SKAP1: variants seen among roughly 807,000 people sequenced by gnomAD.
SKAP1 encodes the protein src kinase associated phosphoprotein 1, also known as src kinase-associated phosphoprotein 1.
SKAP1 carries 44 observed loss-of-function variants against 58.5 expected under a neutral mutation model. The observed-to-expected ratio is 0.75, with a 90% CI of 0.59 to 0.97. The LOEUF is 0.97. Ranked by LOEUF, SKAP1 falls within the 50% of genes least tolerant of loss-of-function variation. SKAP1 has a pLI of 0.00. For synonymous variants in SKAP1, 127 were observed against 149.7 expected, an observed-to-expected ratio of 0.85 and a Z score of 1.11; for missense variants, 390 against 435.2, an observed-to-expected ratio of 0.90 and a Z score of 0.92.
intron 4 of SKAP1, among the ~76,000 whole-genome samples, chr17:48,212,695 C>T (rs929849263): frequency 6.6e-6 from 1 of 152,198 alleles, no homozygotes; most frequent in African/African-American, 2.4e-5. Context: ...GTTTGGATTG[C>T]TTCACTGACT....
chr17:48,135,047 A>G (rs2063682498), intron 12 of SKAP1, among the ~76,000 whole-genome samples: 1 of 152,070 alleles, frequency 6.6e-6, no homozygotes. Flanking sequence ...AACCCTCTAT[A>G]CTTGTGGCCA....
Position 48,184,783 on chromosome 17 carries a change from T to C in SKAP1, c.507A>G (p.Arg169=). ...GYGVRMAPHL[R]RDSKKESCFE... is the part of the protein sequence containing the mutation. ...AGCAGGATTCTTTCTTGGAATCTCT[T>C]CGCAGGTGGGGGGCCATCCGTACAC... is the stretch of plus-strand genomic sequence containing the variant. Residue 169 remains arginine (R), a synonymous_variant, in exon 7 of 13, where the codon CGA becomes CGG. Transcript: ENST00000336915. 1 of 1,614,080 alleles carries C rather than the reference T, an allele frequency of 6.2e-7. No individual in the cohort carries two copies. The highest frequency in any genetic ancestry group is 8.5e-7 in the Non-Finnish European group (1 of 1,179,968).
intron 11 of SKAP1, among the ~76,000 whole-genome samples, chr17:48,160,283 C>T (rs923339006): frequency 4.6e-5 from 7 of 152,030 alleles, no homozygotes; most frequent in African/African-American, 1.7e-4. Flanking sequence ...GCATGTACCA[C>T]CACACCCAGC....
At chr17:48,407,722 C>T (rs1242279312) in intron 1 of SKAP1, among the ~76,000 whole-genome samples, 4 of 152,066 alleles carry the variant, frequency 2.6e-5, no homozygotes, top group South Asian at 2.1e-4. Context: ...GGCATGGTGG[C>T]GCATGTCTGT....
At chr17:48,371,157 G>A (rs919907731) in intron 2 of SKAP1, among the ~76,000 whole-genome samples, 2 of 152,152 alleles carry the variant, frequency 1.3e-5, no homozygotes, top group African/African-American at 4.8e-5. Context: ...AGGGGTAGGA[G>A]TTGAAAAATT....
intron 9 of SKAP1, among the ~76,000 whole-genome samples, chr17:48,178,779 G>C (rs914922043): frequency 6.6e-6 from 1 of 151,918 alleles, no homozygotes; most frequent in Non-Finnish European, 1.5e-5. Flanking sequence ...TTTTTTTAAC[G>C]TCAGACACAA....
At chr17:48,235,510 A>G (rs2065170136) in intron 4 of SKAP1, among the ~76,000 whole-genome samples, 1 of 152,156 alleles carries the variant, frequency 6.6e-6, no homozygotes. Flanking sequence ...AAGATCAACT[A>G]CAACAAAACT....
intron 2 of SKAP1, among the ~76,000 whole-genome samples, chr17:48,381,397 C>G (rs1269837550): frequency 6.6e-6 from 1 of 152,184 alleles, no homozygotes; most frequent in Non-Finnish European, 1.5e-5. Flanking sequence ...ACCTCTGTGT[C>G]TTAGCACATG....
In SKAP1 at chr17:48,171,734, AGTGTGT is replaced by A. The variant is rs3221423; in HGVS notation, c.827-1081_827-1076del. On this transcript the variant is annotated intron_variant, in intron 9 of 12. Coordinates refer to ENST00000336915, the MANE Select transcript of SKAP1 (RefSeq NM_003726.4). ...AAGCATTCTAGAGTTAGGATGTTAGAGTGTGTGTGTGTGTGTGTGTGTGTGTGTGAA... is the reference window on the plus strand; with the variant it reads ...AAGCATTCTAGAGTTAGGATGTTAGAGTGTGTGTGTGTGTGTGTGTGTGAA... Among the ~76,000 whole-genome samples the A allele has an allele frequency of 6.1e-3, 907 of 149,102 alleles. 7 individuals are homozygous for A. The highest frequency in any genetic ancestry group is 0.011 in the Non-Finnish European group (724 of 67,328).
chr17:48,419,566 A>T (rs2067771571), intron 1 of SKAP1, among the ~76,000 whole-genome samples: 1 of 152,180 alleles, frequency 6.6e-6, no homozygotes, highest in African/African-American at 2.4e-5. Context: ...TACAGGCGTG[A>T]GCCACCATGC....
chr17:48,380,390 C>G (rs1334698854), intron 2 of SKAP1: 1 of 152,206 alleles, frequency 6.6e-6, no homozygotes, highest in Non-Finnish European at 1.5e-5. Flanking sequence ...ATTTTCCCTT[C>G]ATTGTTAAAA....
At chr17:48,391,287 A>G (rs1304708198) in intron 2 of SKAP1, among the ~76,000 whole-genome samples, 2 of 152,234 alleles carry the variant, frequency 1.3e-5, no homozygotes, top group Non-Finnish European at 2.9e-5. Context: ...AATAAACAAA[A>G]TAATCATTAT....
At chr17:48,438,265 T>C in the SKAP1 span, among the ~76,000 whole-genome samples, 2 of 152,200 alleles carry the variant, frequency 1.3e-5, no homozygotes, top group Non-Finnish European at 2.9e-5. Flanking sequence ...AAAGAGCTAA[T>C]ATATGTAGTG....
intron 4 of SKAP1, among the ~76,000 whole-genome samples, chr17:48,317,143 G>A (rs2066299328): frequency 6.6e-6 from 1 of 152,130 alleles, no homozygotes; most frequent in African/African-American, 2.4e-5. Context: ...ATGCTCAGAC[G>A]GATGTTCATG....
intron 6 of SKAP1, 146 bp from the exon 7 acceptor site, chr17:48,184,993 C>T (rs1435758349): frequency 5.5e-6 from 4 of 731,600 alleles, no homozygotes; most frequent in Non-Finnish European, 8.7e-6. Flanking sequence ...ATTAGAGAAG[C>T]TTAAGAAGAG....
At chr17:48,265,338 T>G (rs1350583472) in intron 4 of SKAP1, among the ~76,000 whole-genome samples, 1 of 152,096 alleles carries the variant, frequency 6.6e-6, no homozygotes, top group Non-Finnish European at 1.5e-5. Flanking sequence ...ACCCCATTTC[T>G]ACTCAAAATA....
chr17:48,385,730 A>G (rs1359786511), intron 2 of SKAP1, among the ~76,000 whole-genome samples: 1 of 152,212 alleles, frequency 6.6e-6, no homozygotes, highest in African/African-American at 2.4e-5. Flanking sequence ...AAAGGCTGCA[A>G]GCAAAGAGGG....
chr17:48,238,385 AGTTT>A (rs1480972579), intron 4 of SKAP1, among the ~76,000 whole-genome samples: 1 of 151,968 alleles, frequency 6.6e-6, no homozygotes, highest in Non-Finnish European at 1.5e-5. Flanking sequence ...ACTTGACATA[AGTTT>A]GTTTATTTAT....
intron 4 of SKAP1, among the ~76,000 whole-genome samples, chr17:48,261,537 T>TC (rs1426511371): frequency 6.6e-6 from 1 of 151,790 alleles, no homozygotes; most frequent in Non-Finnish European, 1.5e-5. Flanking sequence ...TGATGGGCGG[T>TC]CACCTAGTCA....
Sources: gnomAD v4.1 joint callset for allele counts (sites outside exome capture counted in the v4.1 genomes callset) on GRCh38, gnomAD v4.1.1 for gene constraint, MANE v1.5 for transcripts, NCBI Gene and HGNC (gene_info 2026-07-23, HGNC 2026-07-21) for gene names.